Variants in HACL2 observed in about 807,000 individuals in gnomAD.
HACL2 encodes 2-hydroxyacyl-CoA lyase 2.
the HACL2 span, chr19:15,115,092 G>C: frequency 2.5e-6 from 2 of 790,066 alleles, no homozygotes; most frequent in Non-Finnish European, 4.3e-6. Flanking sequence ...GCTCACAAGA[G>C]AGCCTCTCTG....
chr19:15,115,758 CAGAG>C, the HACL2 span: 1 of 1,568,910 alleles, frequency 6.4e-7, no homozygotes, highest in Non-Finnish European at 8.8e-7. Context: ...GGGCCTCTGC[CAGAG>C]AGGAGGCTCC....
At chr19:15,123,908 G>A in the HACL2 span, 6 of 368,616 alleles carry the variant, frequency 1.6e-5, no homozygotes, top group East Asian at 2.7e-4. This position sits in a 1 kb window ranked among gnomAD's most constrained non-coding sequence, Gnocchi z 5.1. Flanking sequence ...AGGGAGAGAG[G>A]AGAGGGTTAT....
chr19:15,117,836 G>T, the HACL2 span: 364 of 1,609,050 alleles, frequency 2.3e-4, 2 homozygotes, highest in South Asian at 3.3e-5. Context: ...GGAGGAGAGG[G>T]ACTGGGAGGA....
At chr19:15,120,843 G>T in the HACL2 span, among the ~76,000 whole-genome samples, 1 of 151,922 alleles carries the variant, frequency 6.6e-6, no homozygotes, top group Non-Finnish European at 1.5e-5. Context: ...GAGGCAGGAG[G>T]ATTGCTCGAG....
chr19:15,116,210 G>A, the HACL2 span: 36 of 1,613,872 alleles, frequency 2.2e-5, no homozygotes, highest in Middle Eastern at 3.3e-4. Context: ...CAGTGCCCAC[G>A]AAGTCCCCGC....
chr19:15,120,793 C>T, the HACL2 span, among the ~76,000 whole-genome samples: 1 of 152,230 alleles, frequency 6.6e-6, no homozygotes, highest in African/African-American at 2.4e-5. Flanking sequence ...AGGATGGAAC[C>T]GTGGGAAGCC....
the HACL2 span, chr19:15,115,794 T>G: frequency 1.1e-5 from 17 of 1,502,348 alleles, no homozygotes; most frequent in Non-Finnish European, 1.4e-5. Flanking sequence ...AGCCCACCCC[T>G]GGTGACATCT....
chr19:15,124,336 A>G, the HACL2 span: 71,060 of 152,872 alleles, frequency 0.46, 16,869 homozygotes, highest in East Asian at 0.6. Flanking sequence ...AGGGGTCTGG[A>G]GAAGGGGTAA....
chr19:15,121,593 G>C, the HACL2 span, among the ~76,000 whole-genome samples: 6 of 151,944 alleles, frequency 3.9e-5, no homozygotes, highest in Non-Finnish European at 8.8e-5. Context: ...TGGATCACTT[G>C]AGGTTAAGAG....
chr19:15,122,692 C>A, the HACL2 span: 1 of 1,613,570 alleles, frequency 6.2e-7, no homozygotes, highest in Non-Finnish European at 8.5e-7. The surrounding 1 kb of genome is among the most constrained non-coding windows in gnomAD (Gnocchi z 4.0). Flanking sequence ...GGGCTATTCA[C>A]CAGGAGACCA....
At chr19:15,115,308 C>G in the HACL2 span, 12 of 1,614,082 alleles carry the variant, frequency 7.4e-6, no homozygotes, top group African/African-American at 1.6e-4. Flanking sequence ...ATGTTGACCA[C>G]AACCGGGTGG....
the HACL2 span, chr19:15,117,616 G>A: frequency 5.9e-6 from 2 of 336,580 alleles, no homozygotes; most frequent in African/African-American, 4.1e-5. Flanking sequence ...GAGTTTGAGG[G>A]TGCAGTGAGC....
the HACL2 span, among the ~76,000 whole-genome samples, chr19:15,118,413 C>T: frequency 6.6e-6 from 1 of 152,066 alleles, no homozygotes; most frequent in Admixed American, 6.6e-5. Flanking sequence ...CTGGGTGGGG[C>T]CAAGGAATGT....
chr19:15,119,620 A>G, the HACL2 span: 1 of 933,024 alleles, frequency 1.1e-6, no homozygotes, highest in Non-Finnish European at 1.6e-6. Context: ...GCATGATCTC[A>G]GCTCACTGCA....
chr19:15,115,117 C>T, the HACL2 span: 1 of 1,005,086 alleles, frequency 9.9e-7, no homozygotes, highest in Non-Finnish European at 1.5e-6. Context: ...TTGACCCCTC[C>T]ATCCCCTCCT....
chr19:15,122,902 C>T, the HACL2 span: 10 of 1,610,096 alleles, frequency 6.2e-6, no homozygotes, highest in East Asian at 2.2e-5. The surrounding 1 kb of genome is among the most constrained non-coding windows in gnomAD (Gnocchi z 4.0). Flanking sequence ...CTGGGGTGCC[C>T]GACTGGGCGG....
At chr19:15,115,084 T>C in the HACL2 span, 2 of 757,180 alleles carry the variant, frequency 2.6e-6, no homozygotes, top group African/African-American at 1.7e-5. Context: ...GTCCAAGAGC[T>C]CACAAGAGAG....
the HACL2 span, chr19:15,115,079 A>G: frequency 2.7e-6 from 2 of 731,368 alleles, no homozygotes; most frequent in South Asian, 3.2e-5. Context: ...GGAGGGTCCA[A>G]GAGCTCACAA....
the HACL2 span, chr19:15,118,042 G>A: frequency 9.9e-6 from 16 of 1,613,572 alleles, no homozygotes; most frequent in African/African-American, 2.0e-4. Flanking sequence ...GAATGCAGTA[G>A]GCAGAGGCCC....
Sources: gnomAD v4.1 joint callset for allele counts (sites outside exome capture counted in the v4.1 genomes callset) on GRCh38, gnomAD v4.1.1 for gene constraint, Gnocchi (gnomAD v3.1) non-coding constraint, MANE v1.5 for transcripts, NCBI Gene and HGNC (gene_info 2026-07-23, HGNC 2026-07-21) for gene names.